The following TBL1XR1 variants were observed in gnomAD, a reference collection of about 807,000 sequenced individuals.
TBL1XR1 encodes F-box-like/WD repeat-containing protein TBL1XR1.
In TBL1XR1, 5 loss-of-function variants were observed where a neutral mutation model predicts 66.9. The observed-to-expected ratio is 0.07, with a 90% CI of 0.04 to 0.16. The LOEUF is 0.16. Among genes scored for constraint, TBL1XR1 ranks in the 10% least tolerant of loss-of-function variants. TBL1XR1 has a pLI of 1.00. For missense variants in TBL1XR1, 238 were observed against 623.2 expected (o/e 0.38, Z 6.58); for synonymous variants, 210 against 206.0 (o/e 1.02, Z -0.17).
chr3:177,193,870 T>C (rs1736481276), intron 1 of TBL1XR1, among the ~76,000 whole-genome samples: 2 of 152,206 alleles, frequency 1.3e-5, no homozygotes, highest in Admixed American at 6.5e-5. Flanking sequence ...TTTTGTGGCC[T>C]TGAACAAGGG....
intron 1 of TBL1XR1, among the ~76,000 whole-genome samples, chr3:177,109,134 T>C (rs11916281): frequency 0.019 from 2,859 of 152,290 alleles, 91 homozygotes; most frequent in African/African-American, 0.066. Flanking sequence ...ACAAGTAAAT[T>C]GTATATTTGT....
chr3:177,174,574 C>T (rs1733942064), intron 1 of TBL1XR1, among the ~76,000 whole-genome samples: 1 of 152,042 alleles, frequency 6.6e-6, no homozygotes, highest in Non-Finnish European at 1.5e-5. Flanking sequence ...ACTCCTGTTC[C>T]CCAGAAAAAG....
chr3:177,069,805 G>GAAGGAAAGGAAGGAAAGGAAGGA (rs1560139055), intron 2 of TBL1XR1, among the ~76,000 whole-genome samples: 1 of 113,828 alleles, frequency 8.8e-6, no homozygotes, highest in African/African-American at 3.2e-5. Flanking sequence ...AGGAAGGAAG[G>GAAGGAAAGGAAGGAAAGGAAGGA]AAGGAAGGAA....
chr3:177,137,268 G>T (rs544747828), intron 1 of TBL1XR1, among the ~76,000 whole-genome samples: 5 of 152,224 alleles, frequency 3.3e-5, no homozygotes, highest in Non-Finnish European at 7.3e-5. Flanking sequence ...CAAGACGGGG[G>T]ATTGCTTGAG....
At chr3:177,197,504 ACT>A (rs1276755423), upstream of TBL1XR1, 4 of 148,158 alleles carry the variant, frequency 2.7e-5, no homozygotes, top group African/African-American at 9.9e-5. Context: ...CGGCTCAGAC[ACT>A]CAACACTGGG....
chr3:177,144,691 T>C (rs566600181), intron 1 of TBL1XR1, among the ~76,000 whole-genome samples: 50 of 151,756 alleles, frequency 3.3e-4, no homozygotes, highest in African/African-American at 1.1e-3. Context: ...AGGCGGAGCT[T>C]GCAGTGCGCC....
At chr3:177,154,283 G>A (rs1577329134) in intron 1 of TBL1XR1, among the ~76,000 whole-genome samples, 1 of 152,178 alleles carries the variant, frequency 6.6e-6, no homozygotes, top group East Asian at 1.9e-4. Flanking sequence ...TCTAGAGCAA[G>A]GACTAAGAGG....
chr3:177,153,820 T>G (rs2108862173), intron 1 of TBL1XR1, among the ~76,000 whole-genome samples: 1 of 140,368 alleles, frequency 7.1e-6, no homozygotes, highest in Admixed American at 7.8e-5. Flanking sequence ...GAGGTTGCAG[T>G]GAGCCAAGAT....
rs1712629348 is a variant in TBL1XR1 at position 177,023,309 on chromosome 3, T to C, written c.*2189A>G. The C allele has an allele frequency of 6.6e-6, 1 of 152,538 alleles. No homozygotes were observed. Among genetic ancestry groups the C allele is most frequent in the Non-Finnish European group, 1.5e-5 (1 of 67,978 alleles). 9.4% of individuals were successfully genotyped at this position (152,538 alleles called of 1,614,324 possible). A position where few individuals can be genotyped will look rare whatever the true frequency, so the allele number is the denominator to read the frequency against. On this transcript the variant is annotated 3_prime_UTR_variant, in exon 16 of 16. Coordinates refer to ENST00000457928, the MANE Select transcript of TBL1XR1 (RefSeq NM_024665.7). ...TATTCCTGGGAGCACATTTTAAAAT[T>C]ATTGCACAGATTTTTTTAATTTTTA...
chr3:177,051,132 C>T lies in TBL1XR1; in HGVS notation c.427+372G>A, dbSNP rs139847481. Among the ~76,000 whole-genome samples, 798 of 152,108 alleles carry T rather than the reference C, an allele frequency of 5.2e-3. 12 individuals are homozygous for T. Among genetic ancestry groups the T allele is most frequent in the African/African-American group, 0.019 (771 of 41,498 alleles). The stretch of plus-strand genomic sequence containing the variant: ...AAAAAGAAAATAAAAGTAAATCTAG[C>T]TTTTTGGAGCTTTAGGAATAAAAAT... On this transcript the variant is annotated intron_variant, in intron 5 of 15. Transcript: ENST00000457928.
intron 2 of TBL1XR1, among the ~76,000 whole-genome samples, chr3:177,090,638 T>C (rs1722712126): frequency 6.6e-6 from 1 of 150,930 alleles, no homozygotes; most frequent in Non-Finnish European, 1.5e-5. Context: ...CTGGACAACA[T>C]GGTCTCTCTT....
At chr3:177,188,495 C>T (rs1373429198) in intron 1 of TBL1XR1, among the ~76,000 whole-genome samples, 1 of 151,978 alleles carries the variant, frequency 6.6e-6, no homozygotes, top group Non-Finnish European at 1.5e-5. Context: ...TGCAGTGAGC[C>T]AAAATTGCGC....
At position 177,025,146 on chromosome 3, in the gene TBL1XR1, G is replaced by A. The variant is rs752420789; in HGVS notation, c.*352C>T. Reference sequence around the variant, plus strand: ...CCATGGTGTCTGCTGATTCAAAGGGGAGAAACAAGGCTGTCATTTAGTATC... The same window carrying A: ...CCATGGTGTCTGCTGATTCAAAGGGAAGAAACAAGGCTGTCATTTAGTATC... On this transcript the variant is annotated 3_prime_UTR_variant, in exon 16 of 16. Coordinates refer to ENST00000457928, the MANE Select transcript of TBL1XR1 (RefSeq NM_024665.7). The A allele has an allele frequency of 4.2e-6, 1 of 236,146 alleles. No individual in the cohort carries two copies. The highest frequency in any genetic ancestry group is 2.3e-5 in the African/African-American group (1 of 44,380). 14.6% of individuals were successfully genotyped at this position (236,146 alleles called of 1,614,324 possible).
At chr3:177,145,876 A>C (rs1186368825) in intron 1 of TBL1XR1, among the ~76,000 whole-genome samples, 2 of 152,218 alleles carry the variant, frequency 1.3e-5, no homozygotes, top group Non-Finnish European at 2.9e-5. Flanking sequence ...TACTGATGCC[A>C]TGACAGGTGG....
intron 1 of TBL1XR1, chr3:177,195,489 T>TA (rs1736728637): frequency 1.6e-5 from 1 of 62,254 alleles, no homozygotes; most frequent in South Asian, 5.0e-4. Context: ...ATTACTAAAA[T>TA]ACATCAATGT....
At chr3:177,177,493 GATT>G (rs1734300874) in intron 1 of TBL1XR1, among the ~76,000 whole-genome samples, 2 of 152,058 alleles carry the variant, frequency 1.3e-5, no homozygotes, top group South Asian at 2.1e-4. Flanking sequence ...TCTCATTTAT[GATT>G]ATCATCAGTA....
At chr3:177,030,367 C>A (rs1342693504) in intron 14 of TBL1XR1, among the ~76,000 whole-genome samples, 1 of 151,518 alleles carries the variant, frequency 6.6e-6, no homozygotes, top group Non-Finnish European at 1.5e-5. Context: ...TCTAGAGGTA[C>A]AAGTATTAAT....
intron 1 of TBL1XR1, among the ~76,000 whole-genome samples, chr3:177,125,287 G>A (rs1727470184): frequency 6.6e-6 from 1 of 152,040 alleles, no homozygotes; most frequent in Non-Finnish European, 1.5e-5. Context: ...CGGCCAATAA[G>A]CATATGAAAA....
In TBL1XR1 at chr3:177,047,403, A is replaced by G; in HGVS notation, c.767-6T>C. On this transcript the variant is annotated splice_region_variant and splice_polypyrimidine_tract_variant and intron_variant, in intron 8 of 15. Coordinates refer to ENST00000457928, the MANE Select transcript of TBL1XR1 (RefSeq NM_024665.7). ...TAAGGTGCTAGCAAGGTTACCTAAA[A>G]TGCAAAAGAAAAACATTAACATTAT... 1 of 1,589,402 alleles carries G rather than the reference A, an allele frequency of 6.3e-7. No individual in the cohort carries two copies. The highest frequency in any genetic ancestry group is 2.3e-5 in the East Asian group (1 of 43,808).
Sources: gnomAD v4.1 joint callset for allele counts (sites outside exome capture counted in the v4.1 genomes callset) on GRCh38, gnomAD v4.1.1 for gene constraint, MANE v1.5 for transcripts, NCBI Gene and HGNC (gene_info 2026-07-23, HGNC 2026-07-21) for gene names.